MGAT4C: variants seen among roughly 807,000 people sequenced by gnomAD.
MGAT4C encodes the protein alpha-1,3-mannosyl-glycoprotein 4-beta-N-acetylglucosaminyltransferase C.
MGAT4C carries 19 observed loss-of-function variants against 40.1 expected under a neutral mutation model. The ratio of observed to expected loss-of-function variants is 0.47; its 90% CI spans 0.33 to 0.70. The LOEUF is 0.70. Among genes scored for constraint, MGAT4C ranks in the 30% least tolerant of loss-of-function variants. MGAT4C has a pLI of 0.02. For synonymous variants in MGAT4C, 181 were observed against 187.1 expected (o/e 0.97, Z 0.27); for missense variants, 491 against 563.2 (o/e 0.87, Z 1.30).
At chr12:86,393,760 A>C (rs1956197838) in intron 3 of MGAT4C, among the ~76,000 whole-genome samples, 2 of 144,222 alleles carry the variant, frequency 1.4e-5, no homozygotes, top group Admixed American at 1.4e-4. Flanking sequence ...ATGGAGAATG[A>C]TGTCTTTCAT....
At position 86,366,664 on chromosome 12, in the gene MGAT4C, G is replaced by A. The variant is rs548234207; in HGVS notation, c.-119-32537C>T. Among the ~76,000 whole-genome samples the A allele has an allele frequency of 2.0e-5, 3 of 152,136 alleles. No homozygotes were observed. The South Asian group carries it at 6.2e-4, about 32-fold the overall frequency. On this transcript the variant is annotated intron_variant, in intron 3 of 7. Transcript: ENST00000548651. Reference sequence around the variant, plus strand: ...ACGAAATCATTTATACTCCAAACCTGAGCATCACATAATATACACACCTAA... The same window carrying A: ...ACGAAATCATTTATACTCCAAACCTAAGCATCACATAATATACACACCTAA...
chr12:86,066,025 G>A (rs955632547), intron 1 of MGAT4C, among the ~76,000 whole-genome samples: 4 of 152,070 alleles, frequency 2.6e-5, no homozygotes, highest in Non-Finnish European at 5.9e-5. Context: ...CCTCTTCAAG[G>A]AGAACTACAA....
chr12:86,414,921 G>A (rs1393155177), intron 3 of MGAT4C, among the ~76,000 whole-genome samples: 1 of 152,050 alleles, frequency 6.6e-6, no homozygotes, highest in African/African-American at 2.4e-5. Flanking sequence ...TGCAAAACAA[G>A]TTTAACTCAA....
chr12:86,273,689 C>G (rs117448609), intron 4 of MGAT4C, among the ~76,000 whole-genome samples: 2,666 of 152,140 alleles, frequency 0.018, 34 homozygotes, highest in South Asian at 0.045. Flanking sequence ...AAATGAGGGT[C>G]TTGTAGTGAG....
At chr12:86,437,691 T>C (rs754882715) in intron 2 of MGAT4C, among the ~76,000 whole-genome samples, 12 of 151,958 alleles carry the variant, frequency 7.9e-5, no homozygotes, top group Non-Finnish European at 1.6e-4. Flanking sequence ...GTGCTCACTT[T>C]GTGTCTCTTT....
chr12:86,342,901 C>T (rs1214126304), intron 3 of MGAT4C, among the ~76,000 whole-genome samples: 2 of 152,048 alleles, frequency 1.3e-5, no homozygotes, highest in Admixed American at 1.3e-4. Context: ...AAAGAAAGAT[C>T]GCTGCAAACA....
intron 2 of MGAT4C, among the ~76,000 whole-genome samples, chr12:86,666,468 G>T (rs952491477): frequency 6.6e-6 from 1 of 151,292 alleles, no homozygotes; most frequent in African/African-American, 2.4e-5. Flanking sequence ...ACATCTTCTG[G>T]CATTTCATCA....
At chr12:86,388,876 G>T (rs948525201) in intron 3 of MGAT4C, among the ~76,000 whole-genome samples, 4 of 151,628 alleles carry the variant, frequency 2.6e-5, no homozygotes, top group Admixed American at 6.6e-5. Flanking sequence ...TAAAGACATG[G>T]TTTCACCATG....
intron 2 of MGAT4C, among the ~76,000 whole-genome samples, chr12:86,524,870 T>C (rs1958854191): frequency 6.6e-6 from 1 of 152,170 alleles, no homozygotes; most frequent in Non-Finnish European, 1.5e-5. Flanking sequence ...TTAATACTTG[T>C]GATTGCATTA....
intron 2 of MGAT4C, among the ~76,000 whole-genome samples, chr12:86,543,833 C>CTG (rs10669356): frequency 1 from 151,679 of 152,246 alleles, 75,557 homozygotes; most frequent in Middle Eastern, 1. Flanking sequence ...TTAGTCTATG[C>CTG]GTTTAGCTGA....
intron 3 of MGAT4C, among the ~76,000 whole-genome samples, chr12:86,427,813 G>C (rs566684926): frequency 6.6e-6 from 1 of 152,264 alleles, no homozygotes; most frequent in Non-Finnish European, 1.5e-5. Flanking sequence ...GAGGTCAGGG[G>C]ATCAAGACCA....
At chr12:86,587,498 T>C (rs1961106532) in intron 2 of MGAT4C, among the ~76,000 whole-genome samples, 1 of 151,978 alleles carries the variant, frequency 6.6e-6, no homozygotes, top group African/African-American at 2.4e-5. Context: ...AAGTCATTGG[T>C]AGCTTGATGG....
intron 1 of MGAT4C, among the ~76,000 whole-genome samples, chr12:86,138,895 A>G (rs1444095217): frequency 6.6e-6 from 1 of 151,876 alleles, no homozygotes; most frequent in Non-Finnish European, 1.5e-5. Flanking sequence ...TTGTATCAAG[A>G]GGGGTGGAGA....
chr12:86,801,729 T>C (rs1933375420), intron 1 of MGAT4C, among the ~76,000 whole-genome samples: 1 of 151,886 alleles, frequency 6.6e-6, no homozygotes, highest in Non-Finnish European at 1.5e-5. Flanking sequence ...TGTATTACCT[T>C]TCGAATGGAA....
rs982031567 is a variant in MGAT4C at position 85,962,767 on chromosome 12, AT to A, written c.*16521del. On this transcript the variant is annotated 3_prime_UTR_variant, in exon 5 of 5. Coordinates refer to ENST00000611864, the MANE Select transcript of MGAT4C (RefSeq NM_001351288.2). ...TAATCCCAAGATATTTTATTTCATT[AT>A]ATAAATGAAATATTTTATCTGTTAT... The A allele has an allele frequency of 5.9e-5, 9 of 151,430 alleles. No individual in the cohort carries two copies. The highest frequency in any genetic ancestry group is 2.2e-4 in the African/African-American group (9 of 41,396). The allele number at this position is 151,430 out of a possible 1,614,324, so 9.4% of individuals were successfully genotyped here. A position where few individuals can be genotyped will look rare whatever the true frequency, so the allele number is the denominator to read the frequency against.
chr12:86,376,286 C>T (rs942911727), intron 3 of MGAT4C, among the ~76,000 whole-genome samples: 1 of 150,976 alleles, frequency 6.6e-6, no homozygotes, highest in Non-Finnish European at 1.5e-5. Context: ...AGCTACCCAG[C>T]AGGCTCAAAG....
chr12:86,339,386 AGAT>A, intron 3 of MGAT4C, among the ~76,000 whole-genome samples: 1 of 152,332 alleles, frequency 6.6e-6, no homozygotes, highest in South Asian at 2.1e-4. Flanking sequence ...GAAAGCACAA[AGAT>A]GATGATATCA....
chr12:86,016,789 A>G (rs1012204450), intron 2 of MGAT4C, among the ~76,000 whole-genome samples: 2 of 152,060 alleles, frequency 1.3e-5, no homozygotes, highest in Non-Finnish European at 2.9e-5. Context: ...AGGTTTTTCT[A>G]CACAATTTCT....
intron 1 of MGAT4C, among the ~76,000 whole-genome samples, chr12:86,756,817 C>T (rs1215406166): frequency 3.3e-5 from 5 of 152,092 alleles, no homozygotes; most frequent in Non-Finnish European, 7.4e-5. Flanking sequence ...TTGGTTCTGG[C>T]ATGTCTACTG....
Sources: allele counts gnomAD v4.1 joint callset (sites outside exome capture counted in the v4.1 genomes callset), GRCh38; gene constraint gnomAD v4.1.1; transcripts MANE v1.5; gene names NCBI Gene and HGNC (gene_info 2026-07-23, HGNC 2026-07-21).